The following SHOC2 variants were observed in gnomAD, a reference collection of about 807,000 sequenced individuals.
SHOC2 encodes leucine-rich repeat protein SHOC-2.
A neutral mutation model predicts 50.2 loss-of-function variants in SHOC2; 4 were observed. That is an observed-to-expected ratio of 0.08 (90% CI 0.04 to 0.18). The LOEUF is 0.18. Among genes scored for constraint, SHOC2 ranks in the 10% least tolerant of loss-of-function variants. SHOC2 has a pLI of 1.00. For synonymous variants in SHOC2, 218 were observed against 244.5 expected (o/e 0.89, Z 1.01); for missense variants, 388 against 669.6 (o/e 0.58, Z 4.64).
chr10:110,957,174 T>C (rs1260334403), intron 1 of SHOC2, among the ~76,000 whole-genome samples: 1 of 152,240 alleles, frequency 6.6e-6, no homozygotes, highest in Non-Finnish European at 1.5e-5. Context: ...TTTCATACCA[T>C]TTAAATGGTT....
intron 4 of SHOC2, among the ~76,000 whole-genome samples, chr10:111,003,203 C>T (rs1183106883): frequency 2.0e-5 from 3 of 152,220 alleles, no homozygotes; most frequent in Non-Finnish European, 2.9e-5. Flanking sequence ...GCCAATTATA[C>T]TGTCACCTCA....
intron 1 of SHOC2, among the ~76,000 whole-genome samples, chr10:110,928,604 A>G (rs1274529272): frequency 1.3e-5 from 2 of 152,166 alleles, no homozygotes; most frequent in Non-Finnish European, 2.9e-5. Flanking sequence ...TGCTTTAAAC[A>G]TCAGCTGTAT....
At chr10:111,009,890 A>G (rs982508335) in intron 8 of SHOC2, 60 bp downstream of exon 8, 11 of 884,088 alleles carry the variant, frequency 1.2e-5, no homozygotes, top group African/African-American at 8.3e-5. Context: ...CATTCAAGCA[A>G]TATTTCAGAT....
chr10:110,936,966 G>T, intron 1 of SHOC2: 1 of 1,448,896 alleles, frequency 6.9e-7, no homozygotes, highest in Non-Finnish European at 9.7e-7. Flanking sequence ...TTGGTCTTGT[G>T]GGGCAGCATA....
intron 4 of SHOC2, 71 bp downstream of exon 4, chr10:111,000,616 CTTT>C: frequency 7.5e-7 from 1 of 1,338,064 alleles, no homozygotes; most frequent in Non-Finnish European, 1.1e-6. Flanking sequence ...GCTAGTAAAT[CTTT>C]ATAGCAGGGT....
intron 4 of SHOC2, among the ~76,000 whole-genome samples, chr10:111,004,324 T>A (rs1203149663): frequency 6.6e-6 from 1 of 152,204 alleles, no homozygotes; most frequent in Non-Finnish European, 1.5e-5. Flanking sequence ...CCATACAGTG[T>A]TTTAAATAAA....
At chr10:110,925,696 A>T (rs986169854) in intron 1 of SHOC2, among the ~76,000 whole-genome samples, 1 of 152,184 alleles carries the variant, frequency 6.6e-6, no homozygotes, top group Non-Finnish European at 1.5e-5. Flanking sequence ...AGCTCAAACA[A>T]TCCACCTGCC....
At chr10:110,922,709 T>G (rs1846680090) in intron 1 of SHOC2, among the ~76,000 whole-genome samples, 1 of 152,062 alleles carries the variant, frequency 6.6e-6, no homozygotes, top group Admixed American at 6.5e-5. Flanking sequence ...ACAAGTTAAC[T>G]CACAAATCCT....
intron 3 of SHOC2, among the ~76,000 whole-genome samples, chr10:110,996,135 T>C (rs1347191019): frequency 2.6e-5 from 4 of 152,210 alleles, no homozygotes; most frequent in African/African-American, 9.7e-5. Context: ...AGTTAAACAA[T>C]AAGTAGCTAG....
At chr10:110,955,901 A>G (rs1442287579) in intron 1 of SHOC2, among the ~76,000 whole-genome samples, 1 of 152,210 alleles carries the variant, frequency 6.6e-6, no homozygotes, top group African/African-American at 2.4e-5. Flanking sequence ...ATAAAGACAT[A>G]AGGAACAATT....
Position 110,964,601 on chromosome 10 carries a change from T to G in SHOC2, c.243T>G (p.Thr81=). Residue 81 remains threonine, a synonymous_variant, in exon 2 of 9, where the codon ACT becomes ACG. Transcript: ENST00000369452. The surrounding 1 kb of genome is among the most constrained non-coding windows in gnomAD (Gnocchi z 4.9). ...TIKRPNPAPG[T]RKKSSNAEVI... Reference sequence around the variant, plus strand: ...AACGGCCAAACCCAGCACCTGGGACTAGAAAAAAATCCAGCAATGCAGAGG... The same window carrying G: ...AACGGCCAAACCCAGCACCTGGGACGAGAAAAAAATCCAGCAATGCAGAGG... 6.2e-7 allele frequency: 1 copy of G among 1,614,034 alleles called. No homozygotes were observed. The highest frequency in any genetic ancestry group is 1.3e-5 in the African/African-American group (1 of 74,992).
chr10:111,005,343 A>G (rs1193997577), intron 5 of SHOC2, among the ~76,000 whole-genome samples: 1 of 152,192 alleles, frequency 6.6e-6, no homozygotes, highest in Non-Finnish European at 1.5e-5. Flanking sequence ...TTGCAGAGCT[A>G]TCTATTTCAT....
Position 111,002,719 on chromosome 10 carries a change from C to T in SHOC2, c.973-1887C>T, listed in dbSNP as rs191489233. On this transcript the variant is annotated intron_variant, in intron 4 of 8. Transcript: ENST00000369452. The stretch of plus-strand genomic sequence containing the variant: ...TATATTGATTATCTAATTAATCCAC[C>T]AAAGTTGACAAAACTTAGTAGAAGG... Among the ~76,000 whole-genome samples, 215 of 151,524 alleles carry T rather than the reference C, an allele frequency of 1.4e-3. 1 individual carries two copies. The highest frequency in any genetic ancestry group is 4.4e-3 in the African/African-American group (181 of 41,280).
At chr10:110,944,384 C>CAAAAAA (rs11386096) in intron 1 of SHOC2, among the ~76,000 whole-genome samples, 1 of 135,960 alleles carries the variant, frequency 7.4e-6, no homozygotes, top group Non-Finnish European at 1.6e-5. Flanking sequence ...ATCTTTGAGC[C>CAAAAAA]AAAAAAAAAA....
At chr10:110,982,290 A>G (rs1237195073) in intron 2 of SHOC2, among the ~76,000 whole-genome samples, 1 of 150,770 alleles carries the variant, frequency 6.6e-6, no homozygotes, top group Non-Finnish European at 1.5e-5. Flanking sequence ...AGTCTTTGCT[A>G]TTGTGAATAA....
At chr10:110,961,616 TC>T (rs1272648135) in intron 1 of SHOC2, among the ~76,000 whole-genome samples, 1 of 152,166 alleles carries the variant, frequency 6.6e-6, no homozygotes, top group African/African-American at 2.4e-5. Context: ...TATCAGCAAA[TC>T]TCATTAGGTA....
At chr10:111,003,748 A>AT (rs1848421215) in intron 4 of SHOC2, among the ~76,000 whole-genome samples, 1 of 152,198 alleles carries the variant, frequency 6.6e-6, no homozygotes, top group African/African-American at 2.4e-5. Flanking sequence ...AAGAGTCTGC[A>AT]TTTCTCACGA....
intron 1 of SHOC2, among the ~76,000 whole-genome samples, chr10:110,928,638 G>C (rs1440466477): frequency 6.6e-6 from 1 of 152,134 alleles, no homozygotes; most frequent in Non-Finnish European, 1.5e-5. Context: ...GCTTATACCT[G>C]TAATCCCAGG....
In SHOC2 at chr10:110,964,859, C is replaced by G. The variant is rs1440037740; in HGVS notation, c.501C>G (p.Asn167Lys). ...SLTSLPDSLD[N>K]LKKLRMLDLR... is the part of the protein sequence containing the mutation. ...CCAGTTTGCCTGACTCTCTTGATAA[C>G]TTGAAGAAGCTGCGGATGCTTGATT... The change falls in exon 2 of 9, where the codon AAC becomes AAG. Residue 167 changes from asparagine to lysine, a missense_variant. Asn to Lys is a moderately conservative substitution (Grantham distance 94). This residue lies in a region of SHOC2 where 88 missense variants were observed against 147.2 expected (regional missense o/e 0.60). Coordinates refer to ENST00000369452, the MANE Select transcript of SHOC2 (RefSeq NM_007373.4). The surrounding 1 kb of genome is among the most constrained non-coding windows in gnomAD (Gnocchi z 4.9). 6.2e-7 allele frequency: 1 copy of G among 1,614,014 alleles called. No homozygotes were observed. Among genetic ancestry groups the G allele is most frequent in the South Asian group, 1.1e-5 (1 of 91,076 alleles).
Sources: gnomAD v4.1 joint callset for allele counts (sites outside exome capture counted in the v4.1 genomes callset) on GRCh38, gnomAD v4.1.1 for gene constraint, gnomAD v4.1.1 regional missense constraint, Gnocchi (gnomAD v3.1) non-coding constraint, MANE v1.5 for transcripts, NCBI Gene and HGNC (gene_info 2026-07-23, HGNC 2026-07-21) for gene names.